MTUS2: variants seen among roughly 807,000 people sequenced by gnomAD.
MTUS2 encodes microtubule-associated tumor suppressor candidate 2.
MTUS2 carries 40 observed loss-of-function variants against 114.1 expected under a neutral mutation model. The observed-to-expected ratio is 0.35, with a 90% CI of 0.27 to 0.46. The LOEUF (loss-of-function observed/expected upper bound fraction) is 0.46. Ranked by LOEUF, MTUS2 falls within the 20% of genes least tolerant of loss-of-function variation. MTUS2 has a pLI of 1.00. For synonymous variants in MTUS2, 688 were observed against 672.0 expected (o/e 1.02, Z -0.37); for missense variants, 1,679 against 1,705.4 (o/e 0.98, Z 0.27).
chr13:28,986,020 T>C (rs1027357500), intron 2 of MTUS2, among the ~76,000 whole-genome samples: 30 of 152,306 alleles, frequency 2.0e-4, no homozygotes, highest in African/African-American at 6.7e-4. Flanking sequence ...CTCTGATGAA[T>C]GGACCTCTCT....
At chr13:28,896,091 T>C (rs150625288) in intron 2 of MTUS2, among the ~76,000 whole-genome samples, 28 of 152,328 alleles carry the variant, frequency 1.8e-4, no homozygotes, top group African/African-American at 6.0e-4. Context: ...ATTGGAGTAA[T>C]TGTATAGATA....
intron 8 of MTUS2, among the ~76,000 whole-genome samples, chr13:29,424,563 T>C (rs1876363853): frequency 6.6e-6 from 1 of 152,176 alleles, no homozygotes; most frequent in African/African-American, 2.4e-5. Flanking sequence ...GGCTATCACA[T>C]CCTGATCCAC....
At chr13:28,850,021 C>G (rs1320016197) in intron 2 of MTUS2, among the ~76,000 whole-genome samples, 1 of 152,138 alleles carries the variant, frequency 6.6e-6, no homozygotes, top group Non-Finnish European at 1.5e-5. Flanking sequence ...ATGAATGGGA[C>G]AAATGCAGCT....
intron 8 of MTUS2, among the ~76,000 whole-genome samples, chr13:29,388,485 G>T (rs375284091): frequency 6.0e-4 from 91 of 150,996 alleles, no homozygotes; most frequent in Non-Finnish European, 1.2e-3. Flanking sequence ...CTTCTCTAGG[G>T]GCCCAAGTCT....
chr13:29,001,910 G>A (rs1171934279), intron 2 of MTUS2, among the ~76,000 whole-genome samples: 1 of 152,174 alleles, frequency 6.6e-6, no homozygotes, highest in Non-Finnish European at 1.5e-5. Flanking sequence ...AGGGGCTACA[G>A]CTAAGCATTC....
intron 5 of MTUS2, among the ~76,000 whole-genome samples, chr13:29,129,346 A>T (rs1171895803): frequency 2.0e-5 from 3 of 151,988 alleles, no homozygotes; most frequent in Non-Finnish European, 4.4e-5. Context: ...TCATAATTGC[A>T]TTTATAAAAC....
intron 4 of MTUS2, among the ~76,000 whole-genome samples, chr13:29,034,853 T>C (rs1348320346): frequency 3.3e-5 from 5 of 152,202 alleles, no homozygotes; most frequent in Admixed American, 6.5e-5. Context: ...CACTGCACCT[T>C]CATCAGGATG....
At chr13:29,177,538 A>T (rs530448969) in intron 5 of MTUS2, among the ~76,000 whole-genome samples, 1 of 145,086 alleles carries the variant, frequency 6.9e-6, no homozygotes, top group South Asian at 2.1e-4. Flanking sequence ...CTTTTTCACC[A>T]GGCCTGGAAC....
chr13:28,949,954 G>A (rs1882727607), intron 2 of MTUS2, among the ~76,000 whole-genome samples: 1 of 152,280 alleles, frequency 6.6e-6, no homozygotes, highest in Non-Finnish European at 1.5e-5. Flanking sequence ...CAATTCTTTT[G>A]AATATGTATC....
intron 5 of MTUS2, among the ~76,000 whole-genome samples, chr13:29,138,610 TTTCTTTTGG>T (rs1892084520): frequency 2.0e-5 from 3 of 151,112 alleles, no homozygotes; most frequent in Admixed American, 2.0e-4. Flanking sequence ...GAGTGCAGGG[TTTCTTTTGG>T]AGATGACAAA....
chr13:29,445,332 A>G (rs58860650), intron 9 of MTUS2, among the ~76,000 whole-genome samples: 4,372 of 152,184 alleles, frequency 0.029, 198 homozygotes, highest in African/African-American at 0.099. Context: ...ACCCAGTGTT[A>G]GTATAGACTC....
At chr13:29,330,033 A>G (rs1593310059) in intron 7 of MTUS2, among the ~76,000 whole-genome samples, 1 of 152,346 alleles carries the variant, frequency 6.6e-6, no homozygotes, top group African/African-American at 2.4e-5. Context: ...ATTGTCTTCC[A>G]CAATGGTTGA....
At chr13:28,994,602 G>T (rs909719724) in intron 2 of MTUS2, among the ~76,000 whole-genome samples, 3 of 152,186 alleles carry the variant, frequency 2.0e-5, no homozygotes, top group African/African-American at 7.2e-5. Context: ...TCTAAATGGT[G>T]TGAGACGGTA....
chr13:28,923,958 T>G (rs757287224), intron 2 of MTUS2, among the ~76,000 whole-genome samples: 1 of 152,104 alleles, frequency 6.6e-6, no homozygotes, highest in Non-Finnish European at 1.5e-5. Context: ...TGATTCTCAG[T>G]GGAGGTTAAT....
chr13:29,359,151 GCAATT>G, intron 7 of MTUS2, 106 bp from the exon 8 acceptor site: 1 of 1,020,412 alleles, frequency 9.8e-7, no homozygotes, highest in Non-Finnish European at 1.4e-6. Context: ...CAAACCGTGG[GCAATT>G]TCTTCTCTAC....
In MTUS2 at chr13:28,913,944, G is replaced by A. The variant is rs188713737; in HGVS notation, c.-243+74094G>A. ...ATTCTCTGATGGTTGTATTTCTGTG[G>A]GGTCAGTGGTGATATCCCCCTTATC... On this transcript the variant is annotated intron_variant, in intron 2 of 15. Transcript: ENST00000612955. Among the ~76,000 whole-genome samples, 3 of 152,076 alleles carry A rather than the reference G, an allele frequency of 2.0e-5. No individual in the cohort carries two copies. In the East Asian group the frequency reaches 5.8e-4, roughly 29 times the overall value.
chr13:29,259,772 C>G (rs1324333999), intron 5 of MTUS2, among the ~76,000 whole-genome samples: 1 of 152,174 alleles, frequency 6.6e-6, no homozygotes, highest in Non-Finnish European at 1.5e-5. Context: ...AGAAGACTTT[C>G]AAGGAAAAGA....
intron 9 of MTUS2, among the ~76,000 whole-genome samples, chr13:29,464,743 C>T (rs73446140): frequency 0.022 from 3,371 of 152,260 alleles, 109 homozygotes; most frequent in African/African-American, 0.072. Flanking sequence ...GGTATTGCAG[C>T]TTAAGAAGCA....
chr13:29,287,401 C>A (rs182690837), intron 6 of MTUS2, among the ~76,000 whole-genome samples: 1 of 152,290 alleles, frequency 6.6e-6, no homozygotes, highest in Non-Finnish European at 1.5e-5. Context: ...TCCCTATTCT[C>A]GCTCGTGGTG....
Sources: allele counts gnomAD v4.1 joint callset (sites outside exome capture counted in the v4.1 genomes callset), GRCh38; gene constraint gnomAD v4.1.1; transcripts MANE v1.5; gene names NCBI Gene and HGNC (gene_info 2026-07-23, HGNC 2026-07-21).